The following SHOC2 variants were observed in gnomAD, a reference collection of about 807,000 sequenced individuals.
SHOC2 encodes the protein SHOC2 leucine rich repeat scaffold protein, also known as leucine-rich repeat protein SHOC-2.
A neutral mutation model predicts 50.2 loss-of-function variants in SHOC2; 4 were observed. The ratio of observed to expected loss-of-function variants is 0.08; its 90% CI spans 0.04 to 0.18. The LOEUF is 0.18. SHOC2 is among the 10% of genes least tolerant of loss of function. The pLI, the probability that SHOC2 is intolerant of heterozygous loss-of-function variation, is 1.00. For synonymous variants in SHOC2, 218 were observed against 244.5 expected, an observed-to-expected ratio of 0.89 and a Z score of 1.01; for missense variants, 388 against 669.6, an observed-to-expected ratio of 0.58 and a Z score of 4.64.
At chr10:110,971,560 T>C (rs1017940437) in intron 2 of SHOC2, among the ~76,000 whole-genome samples, 15 of 152,146 alleles carry the variant, frequency 9.9e-5, no homozygotes, top group African/African-American at 3.4e-4. Context: ...ACATGAACTT[T>C]AGGATTTTTT....
Position 111,011,851 on chromosome 10 carries a change from A to G in SHOC2, c.*33A>G. 2 of 1,490,114 alleles carry G rather than the reference A, an allele frequency of 1.3e-6. No homozygotes were observed. Among genetic ancestry groups the G allele is most frequent in the East Asian group, 2.3e-5 (1 of 44,346 alleles). 92.3% of individuals were successfully genotyped at this position (1,490,114 alleles called of 1,614,324 possible). On this transcript the variant is annotated 3_prime_UTR_variant, in exon 9 of 9. Transcript: ENST00000369452. ...CTGCTGGTCCCACACACTGTTCAAA[A>G]ATAGACTGCCATTAATGTTTCTTAT...
At chr10:110,949,304 A>G (rs1331328047) in intron 1 of SHOC2, among the ~76,000 whole-genome samples, 2 of 152,198 alleles carry the variant, frequency 1.3e-5, no homozygotes, top group Non-Finnish European at 2.9e-5. Context: ...ATAAGAGACT[A>G]CAATGAATAA....
At chr10:110,926,430 C>A (rs935718603) in intron 1 of SHOC2, among the ~76,000 whole-genome samples, 1 of 152,160 alleles carries the variant, frequency 6.6e-6, no homozygotes, top group Admixed American at 6.5e-5. Context: ...TTTTTAGAGT[C>A]CTTCAAGCCT....
chr10:111,002,658 T>C (rs1848399708), intron 4 of SHOC2, among the ~76,000 whole-genome samples: 1 of 152,178 alleles, frequency 6.6e-6, no homozygotes, highest in Admixed American at 6.5e-5. Flanking sequence ...GCCAAATTTG[T>C]TACTTTAAAT....
At chr10:110,982,919 A>C (rs1214595768) in intron 2 of SHOC2, among the ~76,000 whole-genome samples, 3 of 152,132 alleles carry the variant, frequency 2.0e-5, no homozygotes, top group African/African-American at 7.2e-5. Flanking sequence ...ATTCATTTCT[A>C]AGCATTTGGT....
chr10:110,983,771 TTGTTTTTTTGTGTG>T (rs1332825322), intron 2 of SHOC2, among the ~76,000 whole-genome samples: 1 of 152,216 alleles, frequency 6.6e-6, no homozygotes, highest in African/African-American at 2.4e-5. Flanking sequence ...GATCATAAAA[TTGTTTTTTTGTGTG>T]TGGCTTATTT....
At chr10:110,936,851 C>T (rs774699531) in intron 1 of SHOC2, 27 of 1,350,002 alleles carry the variant, frequency 2.0e-5, no homozygotes, top group Middle Eastern at 2.1e-4. Context: ...AGGCTTCAGA[C>T]GCACAACCTT....
At chr10:110,991,228 A>G (rs781682206) in intron 3 of SHOC2, among the ~76,000 whole-genome samples, 6 of 152,220 alleles carry the variant, frequency 3.9e-5, no homozygotes, top group Non-Finnish European at 7.3e-5. Flanking sequence ...CAGAGAAAGC[A>G]TAGGTGGTGA....
intron 1 of SHOC2, among the ~76,000 whole-genome samples, chr10:110,942,954 G>A (rs995394282): frequency 1.3e-5 from 2 of 152,158 alleles, no homozygotes; most frequent in Non-Finnish European, 2.9e-5. Context: ...TGTACATGAT[G>A]AGTCACATCT....
chr10:110,990,059 TCA>T (rs1848152396), intron 3 of SHOC2, among the ~76,000 whole-genome samples: 1 of 152,244 alleles, frequency 6.6e-6, no homozygotes, highest in South Asian at 2.1e-4. Context: ...CAGTGGAATG[TCA>T]CATAAAAGCA....
At chr10:110,962,925 T>C (rs901138532) in intron 1 of SHOC2, among the ~76,000 whole-genome samples, 2 of 152,216 alleles carry the variant, frequency 1.3e-5, no homozygotes, top group East Asian at 1.9e-4. Flanking sequence ...TTACTTGTTA[T>C]ATGTGAGTGT....
intron 1 of SHOC2, among the ~76,000 whole-genome samples, chr10:110,956,676 A>C (rs1847469906): frequency 6.6e-6 from 1 of 152,210 alleles, no homozygotes; most frequent in South Asian, 2.1e-4. Flanking sequence ...GTATAAAATG[A>C]ATGTTTTAAA....
At chr10:110,947,340 T>A (rs1010063800) in intron 1 of SHOC2, among the ~76,000 whole-genome samples, 1 of 152,210 alleles carries the variant, frequency 6.6e-6, no homozygotes, top group African/African-American at 2.4e-5. Context: ...GCAGCAAGCC[T>A]GCTCGTGGAC....
chr10:110,927,070 ATAAC>A (rs1467013189), intron 1 of SHOC2, among the ~76,000 whole-genome samples: 1 of 152,226 alleles, frequency 6.6e-6, no homozygotes, highest in Non-Finnish European at 1.5e-5. Context: ...ATAAGACAAA[ATAAC>A]TAAGTATTTC....
At chr10:110,931,290 A>G (rs11819698) in intron 1 of SHOC2, among the ~76,000 whole-genome samples, 1,816 of 152,250 alleles carry the variant, frequency 0.012, 42 homozygotes, top group African/African-American at 0.042. Context: ...GTTAGCCTCT[A>G]TCCCCTACCT....
chr10:110,965,212 G>A (rs1847650175), intron 2 of SHOC2, 151 bp downstream of exon 2: 5 of 705,158 alleles, frequency 7.1e-6, no homozygotes, highest in Non-Finnish European at 1.2e-5. Flanking sequence ...TCCATTTTCA[G>A]CACTGTTAAT....
chr10:110,953,887 T>G (rs557800071), intron 1 of SHOC2, among the ~76,000 whole-genome samples: 67 of 151,274 alleles, frequency 4.4e-4, no homozygotes, highest in African/African-American at 1.6e-3. Flanking sequence ...AAAAGGAAAA[T>G]TTTTAATTAT....
At chr10:110,977,361 C>A (rs1439621778) in intron 2 of SHOC2, among the ~76,000 whole-genome samples, 1 of 152,012 alleles carries the variant, frequency 6.6e-6, no homozygotes, top group African/African-American at 2.4e-5. Context: ...AAGCGATTCT[C>A]CTGCCTCCCG....
At chr10:110,941,736 A>G (rs1847149443) in intron 1 of SHOC2, among the ~76,000 whole-genome samples, 1 of 152,182 alleles carries the variant, frequency 6.6e-6, no homozygotes, top group Non-Finnish European at 1.5e-5. Context: ...TTCTCTTAAC[A>G]GGATCATTTG....
Sources: allele counts gnomAD v4.1 joint callset (sites outside exome capture counted in the v4.1 genomes callset), GRCh38; gene constraint gnomAD v4.1.1; transcripts MANE v1.5; gene names NCBI Gene and HGNC (gene_info 2026-07-23, HGNC 2026-07-21).